Variants in TET3 observed in about 807,000 individuals in gnomAD.
TET3 encodes the protein tet methylcytosine dioxygenase 3, also known as methylcytosine dioxygenase TET3.
A neutral mutation model predicts 141.4 loss-of-function variants in TET3; 19 were observed. That is an observed-to-expected ratio of 0.13 (90% CI 0.09 to 0.20). The LOEUF (loss-of-function observed/expected upper bound fraction) is 0.20. TET3 is among the 10% of genes least tolerant of loss of function. TET3 has a pLI of 1.00. For synonymous variants in TET3, 1,043 were observed against 980.9 expected (o/e 1.06, Z -1.18); for missense variants, 1,874 against 2,356.9 (o/e 0.80, Z 4.24).
chr2:74,047,526 A>AGC lies in TET3; in HGVS notation c.1610_1611dup (p.Leu538AlafsTer4). The AGC allele has an allele frequency of 6.2e-7, 1 of 1,613,542 alleles. No homozygotes were observed. The highest frequency in any genetic ancestry group is 8.5e-7 in the Non-Finnish European group (1 of 1,179,882). On this transcript the variant is annotated frameshift_variant, in exon 4 of 12. Transcript: ENST00000409262. LOFTEE classifies it high-confidence loss of function. ...GCAGCAGCACCTCCACCACAAGCGC[A>AGC]GCCTCTTCCTAGAACAGGTGCACGA...
At chr2:74,130,191 G>C in the TET3 span, among the ~76,000 whole-genome samples, 5 of 151,752 alleles carry the variant, frequency 3.3e-5, no homozygotes, top group Non-Finnish European at 5.9e-5. Flanking sequence ...TATTGCAAAA[G>C]AAAAGAACCC....
At position 74,105,794 on chromosome 2, in the gene TET3, C is replaced by A. The variant is rs1490081027; in HGVS notation, c.*3618C>A. ...CAATGAGTCGATGATAACCTAATTTCATTGAGAGAAACCCAGCCAGACTTG... is the reference window on the plus strand; with the variant it reads ...CAATGAGTCGATGATAACCTAATTTAATTGAGAGAAACCCAGCCAGACTTG... On this transcript the variant is annotated 3_prime_UTR_variant, in exon 12 of 12. Coordinates refer to ENST00000409262, the MANE Select transcript of TET3 (RefSeq NM_001287491.2). 1.2e-5 allele frequency: 2 copies of A among 162,416 alleles called. No individual in the cohort carries two copies. Among genetic ancestry groups the A allele is most frequent in the African/African-American group, 4.8e-5 (2 of 41,832 alleles). The allele number at this position is 162,416 out of a possible 1,614,324, so 10.1% of individuals were successfully genotyped here. A position where few individuals can be genotyped will look rare whatever the true frequency, so the allele number is the denominator to read the frequency against.
intron 3 of TET3, among the ~76,000 whole-genome samples, chr2:74,016,420 A>G (rs1685731605): frequency 6.6e-6 from 1 of 152,126 alleles, no homozygotes; most frequent in East Asian, 1.9e-4. Flanking sequence ...ATTATGATAA[A>G]CATTATCCAA....
In TET3 at chr2:74,046,262, T is replaced by C. The variant is rs112234742; in HGVS notation, c.361-16T>C. The C allele has an allele frequency of 5.5e-6, 8 of 1,451,000 alleles. No homozygotes were observed. Among genetic ancestry groups the C allele is most frequent in the South Asian group, 4.7e-5 (3 of 63,578 alleles). The allele number at this position is 1,451,000 out of a possible 1,614,324, so 89.9% of individuals were successfully genotyped here. On this transcript the variant is annotated splice_polypyrimidine_tract_variant and intron_variant, in intron 3 of 11. Coordinates refer to ENST00000409262, the MANE Select transcript of TET3 (RefSeq NM_001287491.2). The surrounding 1 kb of genome is among the most constrained non-coding windows in gnomAD (Gnocchi z 4.3). ...GGTTCATTTTTTTCCTTTTTCCCCC[T>C]TCTCTCTCTCTTTAGACAGGCTCAG...
intron 3 of TET3, among the ~76,000 whole-genome samples, chr2:74,010,412 G>A (rs1441787300): frequency 6.6e-6 from 1 of 152,158 alleles, no homozygotes; most frequent in African/African-American, 2.4e-5. Flanking sequence ...TCACCTAAAT[G>A]CTCCCACCCC....
intron 5 of TET3, among the ~76,000 whole-genome samples, chr2:74,074,449 T>C (rs1689379458): frequency 6.6e-6 from 1 of 152,230 alleles, no homozygotes; most frequent in Non-Finnish European, 1.5e-5. Flanking sequence ...TTCAGGACTC[T>C]AGGGTTTCTG....
At chr2:74,014,379 G>A (rs748186728) in intron 3 of TET3, among the ~76,000 whole-genome samples, 1 of 152,068 alleles carries the variant, frequency 6.6e-6, no homozygotes, top group Non-Finnish European at 1.5e-5. Context: ...TCCGAGCCCC[G>A]ATTTAGCCTG....
intron 4 of TET3, among the ~76,000 whole-genome samples, chr2:74,065,844 C>T (rs553011366): frequency 5.3e-5 from 8 of 151,848 alleles, no homozygotes; most frequent in East Asian, 1.9e-4. Context: ...CTGCAACCTC[C>T]GCCTCCCAGG....
chr2:74,028,432 GT>G (rs1285251810), intron 3 of TET3, among the ~76,000 whole-genome samples: 15 of 152,114 alleles, frequency 9.9e-5, no homozygotes, highest in African/African-American at 3.6e-4. Flanking sequence ...CTGTTTTAGA[GT>G]TTTATAGTTT....
the TET3 span, among the ~76,000 whole-genome samples, chr2:74,118,236 A>T: frequency 6.6e-6 from 1 of 151,288 alleles, no homozygotes; most frequent in African/African-American, 2.5e-5. Flanking sequence ...GAATAACACC[A>T]TGGCACCCAC....
At chr2:74,134,962 T>C in the TET3 span, 2 of 319,328 alleles carry the variant, frequency 6.3e-6, no homozygotes, top group African/African-American at 4.4e-5. Flanking sequence ...GAGTCTGGAA[T>C]ATCTGCCTGT....
the TET3 span, among the ~76,000 whole-genome samples, chr2:74,128,469 G>GA: frequency 6.6e-6 from 1 of 151,964 alleles, no homozygotes; most frequent in Admixed American, 6.6e-5. Flanking sequence ...GGGCTACCTA[G>GA]AAAAAAGACA....
At chr2:74,121,092 C>G in the TET3 span, 1 of 151,992 alleles carries the variant, frequency 6.6e-6, no homozygotes, top group Non-Finnish European at 1.5e-5. Flanking sequence ...CTGAGCACAT[C>G]AGTATTTTGA....
the TET3 span, among the ~76,000 whole-genome samples, chr2:74,129,452 G>A: frequency 7.1e-3 from 1,071 of 150,216 alleles, 19 homozygotes; most frequent in African/African-American, 0.025. Flanking sequence ...GGCCAACATG[G>A]TGAAACCTCG....
chr2:74,040,495 T>TGGGAAAGTTGCTCTCAGGA, intron 3 of TET3, among the ~76,000 whole-genome samples: 1 of 151,968 alleles, frequency 6.6e-6, no homozygotes, highest in East Asian at 1.9e-4. Context: ...ATAGGAAAGT[T>TGGGAAAGTTGCTCTCAGGA]GGGAAAGTTG....
At chr2:74,080,471 A>C in intron 5 of TET3, 27 bp from the exon 6 acceptor site, 5 of 1,597,432 alleles carry the variant, frequency 3.1e-6, no homozygotes, top group South Asian at 2.2e-5. Context: ...CTGCTGTGCT[A>C]ATGGTGGCTT....
intron 3 of TET3, among the ~76,000 whole-genome samples, chr2:74,008,575 A>C (rs933333604): frequency 7.9e-5 from 12 of 152,206 alleles, no homozygotes; most frequent in Admixed American, 6.5e-4. Context: ...TTGATTGCAG[A>C]TTCTACCCTG....
chr2:74,001,415 C>A (rs755984870), intron 2 of TET3, among the ~76,000 whole-genome samples: 2 of 152,212 alleles, frequency 1.3e-5, no homozygotes, highest in African/African-American at 2.4e-5. Context: ...ACCCAGTGAG[C>A]TCTTCCAGAA....
chr2:74,031,981 A>G (rs1262839678), intron 3 of TET3, among the ~76,000 whole-genome samples: 1 of 152,182 alleles, frequency 6.6e-6, no homozygotes, highest in Admixed American at 6.5e-5. Context: ...TGAGCTTTGG[A>G]GTATGTTAGT....
Sources: gnomAD v4.1 joint callset for allele counts (sites outside exome capture counted in the v4.1 genomes callset) on GRCh38, gnomAD v4.1.1 for gene constraint, Gnocchi (gnomAD v3.1) non-coding constraint, MANE v1.5 for transcripts, NCBI Gene and HGNC (gene_info 2026-07-23, HGNC 2026-07-21) for gene names.